HEPH: variants seen among roughly 807,000 people sequenced by gnomAD.
HEPH encodes the protein hephaestin.
A neutral mutation model predicts 80.8 loss-of-function variants in HEPH; 69 were observed. That is an observed-to-expected ratio of 0.85 (90% CI 0.70 to 1.04). The LOEUF (loss-of-function observed/expected upper bound fraction) is 1.04. HEPH is among the 50% of genes least tolerant of loss of function. The pLI is 0.00. For synonymous variants in HEPH, 431 were observed against 322.8 expected, an observed-to-expected ratio of 1.34 and a Z score of -3.60; for missense variants, 1,115 against 891.3, an observed-to-expected ratio of 1.25 and a Z score of -3.20.
chrX:66,259,892 A>AT (rs1490419935), intron 18 of HEPH, among the ~76,000 whole-genome samples: 1 of 107,273 alleles, frequency 9.3e-6, no homozygotes, highest in Non-Finnish European at 1.9e-5. Flanking sequence ...TATTTTTTTT[A>AT]TTTTTTATTT....
rs1474152773 is a variant in HEPH, at chrX:66,256,230, G to T, written c.2796G>T (p.Lys932Asn). Reference sequence around the variant, plus strand: ...TGTTCTTGATTTTTGATGAAAATAAGTCTTGGTATTTGGAGGAAAATGTGG... The same window carrying T: ...TGTTCTTGATTTTTGATGAAAATAATTCTTGGTATTTGGAGGAAAATGTGG... Reference protein sequence around the residue: ...ALLFLIFDENKSWYLEENVAT... With the variant: ...ALLFLIFDENNSWYLEENVAT... The change falls in exon 17 of 21, where the codon AAG becomes AAT. Residue 932 changes from lysine (K) to asparagine (N), a missense_variant. By Grantham distance (94) the Lys-to-Asn change is moderately conservative (BLOSUM62 0). Around this residue, in one of 3 missense-constraint regions of HEPH, gnomAD observed 716 missense variants for 523.5 expected, o/e 1.37. Coordinates refer to ENST00000343002, the MANE Select transcript of HEPH (RefSeq NM_001367233.3). 1 of 1,211,109 alleles carries T rather than the reference G, an allele frequency of 8.3e-7. No individual in the cohort carries two copies. The highest frequency in any genetic ancestry group is 1.1e-6 in the Non-Finnish European group (1 of 894,913).
intron 4 of HEPH, among the ~76,000 whole-genome samples, chrX:66,175,491 C>A (rs755565456): frequency 2.7e-5 from 3 of 111,411 alleles, no homozygotes; most frequent in Non-Finnish European, 5.7e-5. Flanking sequence ...GCTATGCAGG[C>A]GCTTTTTTGG....
At chrX:66,162,936 G>A, upstream of HEPH, 1 of 1,049,589 alleles carries the variant, frequency 9.5e-7, no homozygotes, top group Non-Finnish European at 1.3e-6. Context: ...ACCTGGGTCT[G>A]TTGGGTAGAT....
In HEPH at chrX:66,164,718, A is replaced by G. The variant is rs189276560; in HGVS notation, c.-14+248A>G. On this transcript the variant is annotated intron_variant, in intron 1 of 20. Transcript: ENST00000343002. Reference sequence around the variant, plus strand: ...AGGGCCAATCCTGGAGCCATACAGAATAGTTCATTTTCCTGTCGAAATAGC... The same window carrying G: ...AGGGCCAATCCTGGAGCCATACAGAGTAGTTCATTTTCCTGTCGAAATAGC... Among the ~76,000 whole-genome samples, 14 of 112,152 alleles carry G rather than the reference A, an allele frequency of 1.2e-4. No homozygotes were observed. In the East Asian group the frequency reaches 3.9e-3, roughly 31 times the overall value.
chrX:66,266,683 C>T lies in HEPH; in HGVS notation c.*11C>T. Reference sequence around the variant, plus strand: ...TCTTTCAAACAGTAACATCTGGAGCCTGGAGATATCCTCAGGAAGCACATC... The same window carrying T: ...TCTTTCAAACAGTAACATCTGGAGCTTGGAGATATCCTCAGGAAGCACATC... On this transcript the variant is annotated 3_prime_UTR_variant, in exon 21 of 21. Transcript: ENST00000343002. 5 of 1,135,875 alleles carry T rather than the reference C, an allele frequency of 4.4e-6. No homozygotes were observed. Among genetic ancestry groups the T allele is most frequent in the Non-Finnish European group, 6.0e-6 (5 of 828,833 alleles). 93.6% of individuals were successfully genotyped at this position (1,135,875 alleles called of 1,213,427 possible). A position where few individuals can be genotyped will look rare whatever the true frequency, so the allele number is the denominator to read the frequency against.
intron 19 of HEPH, among the ~76,000 whole-genome samples, chrX:66,261,954 A>T (rs2091378418): frequency 1.8e-5 from 2 of 112,222 alleles, no homozygotes; most frequent in African/African-American, 6.5e-5. Flanking sequence ...GGTTTTCTCT[A>T]TATGTAGTAA....
chrX:66,242,437 CATT>C (rs1181102733), intron 15 of HEPH, among the ~76,000 whole-genome samples: 3 of 111,638 alleles, frequency 2.7e-5, no homozygotes, highest in African/African-American at 9.8e-5. Context: ...TAGGACATAT[CATT>C]ATGCACATAG....
chrX:66,267,841 G>A (rs1287656593), downstream of HEPH: 1 of 111,044 alleles, frequency 9.0e-6, no homozygotes, highest in Non-Finnish European at 1.9e-5. Context: ...ATTGGTTAGA[G>A]AGCACAGATA....
chrX:66,178,259 A>G (rs1257969309), intron 4 of HEPH, among the ~76,000 whole-genome samples: 2 of 111,836 alleles, frequency 1.8e-5, no homozygotes, highest in Non-Finnish European at 1.9e-5. Context: ...CTATGTCCCT[A>G]CAAAGGACAT....
intron 15 of HEPH, among the ~76,000 whole-genome samples, chrX:66,230,640 A>C (rs1483695199): frequency 3.1e-5 from 3 of 97,701 alleles, no homozygotes; most frequent in East Asian, 3.2e-4. Flanking sequence ...TTTTTCTTGT[A>C]AATTTGTTTG....
intron 15 of HEPH, among the ~76,000 whole-genome samples, chrX:66,218,439 A>G (rs911736818): frequency 5.3e-5 from 6 of 112,201 alleles, no homozygotes; most frequent in South Asian, 3.7e-4. Flanking sequence ...CTGCTCTTGA[A>G]TGATCATTGG....
intron 15 of HEPH, among the ~76,000 whole-genome samples, chrX:66,208,933 C>T (rs762235532): frequency 9.2e-6 from 1 of 108,920 alleles, no homozygotes; most frequent in East Asian, 2.9e-4. Context: ...TTCTTGCAGA[C>T]TGAATTCTAA....
At chrX:66,176,054 G>A (rs1197675917) in intron 4 of HEPH, among the ~76,000 whole-genome samples, 1 of 111,262 alleles carries the variant, frequency 9.0e-6, no homozygotes, top group Non-Finnish European at 1.9e-5. Flanking sequence ...GTACTAAGTT[G>A]AAGAGGAGTG....
At chrX:66,169,044 C>A in intron 1 of HEPH, among the ~76,000 whole-genome samples, 1 of 111,157 alleles carries the variant, frequency 9.0e-6, no homozygotes. Flanking sequence ...GGTAGTACAG[C>A]ATGGTGATTA....
intron 12 of HEPH, 86 bp from the exon 13 acceptor site, chrX:66,203,278 C>A (rs912305011): frequency 1.3e-6 from 1 of 758,430 alleles, no homozygotes; most frequent in Non-Finnish European, 2.0e-6. Context: ...CTCTTTTCTG[C>A]AGTATGCCTA....
At chrX:66,225,387 C>G (rs2089834738) in intron 15 of HEPH, among the ~76,000 whole-genome samples, 2 of 111,497 alleles carry the variant, frequency 1.8e-5, no homozygotes, top group South Asian at 7.5e-4. Flanking sequence ...CAGTTTACAC[C>G]AAAGCAGAAT....
chrX:66,241,821 A>C (rs2148089325), intron 15 of HEPH, among the ~76,000 whole-genome samples: 1 of 111,223 alleles, frequency 9.0e-6, no homozygotes, highest in South Asian at 3.8e-4. Flanking sequence ...GAGGTGGAGG[A>C]TGTCTGTAAC....
intron 15 of HEPH, among the ~76,000 whole-genome samples, chrX:66,238,909 G>A (rs1298707598): frequency 8.9e-6 from 1 of 112,468 alleles, no homozygotes. Flanking sequence ...GGATGGGTTG[G>A]GCTAGTTATC....
At chrX:66,205,147 G>C (rs764091701) in intron 13 of HEPH, among the ~76,000 whole-genome samples, 2 of 110,927 alleles carry the variant, frequency 1.8e-5, no homozygotes, top group Non-Finnish European at 3.8e-5. Context: ...TTTATTTTAG[G>C]TATGGGGGTA....
Sources: gnomAD v4.1 joint callset for allele counts (sites outside exome capture counted in the v4.1 genomes callset) on GRCh38, gnomAD v4.1.1 for gene constraint, gnomAD v4.1.1 regional missense constraint, MANE v1.5 for transcripts, NCBI Gene and HGNC (gene_info 2026-07-23, HGNC 2026-07-21) for gene names.